The following UCK2 variants were observed in gnomAD, a reference collection of about 807,000 sequenced individuals.
The protein encoded by UCK2 is cytidine monophosphokinase 2.
Under a neutral mutation model 30.8 loss-of-function variants are expected in UCK2, and 6 were observed. The ratio of observed to expected loss-of-function variants is 0.19; its 90% confidence interval spans 0.11 to 0.38. UCK2 has a LOEUF of 0.38. UCK2 is among the 10% of genes least tolerant of loss of function. The probability of loss-of-function intolerance (pLI) is 1.00; values close to 1 mark genes in which losing one functional copy is unlikely to be tolerated. For synonymous variants in UCK2, 125 were observed against 133.6 expected, an observed-to-expected ratio of 0.94 and a Z score of 0.45; for missense variants, 210 against 339.8, an observed-to-expected ratio of 0.62 and a Z score of 3.00.
chr1:165,843,471 A>G lies in UCK2; in HGVS notation c.99+15539A>G, dbSNP rs566091981. ...ACAGGCTTTTAACTTACTAAAAAGGACAACTTTTGGCTGGGATTGATGACT... is the reference window on the plus strand; with the variant it reads ...ACAGGCTTTTAACTTACTAAAAAGGGCAACTTTTGGCTGGGATTGATGACT... On this transcript the variant is annotated intron_variant, in intron 1 of 6. Coordinates refer to ENST00000367879, the MANE Select transcript of UCK2 (RefSeq NM_012474.5). 2.4e-4 allele frequency among the ~76,000 whole-genome samples: 36 copies of G among 152,320 alleles called. No homozygotes were observed. The East Asian group carries it at 6.8e-3, about 29-fold the overall frequency.
intron 3 of UCK2, among the ~76,000 whole-genome samples, chr1:165,893,783 T>C (rs1423953526): frequency 6.6e-6 from 1 of 152,168 alleles, no homozygotes; most frequent in African/African-American, 2.4e-5. Flanking sequence ...GTTATGACAG[T>C]TTTTAGACCT....
rs1647661030 is a variant in UCK2 at position 165,906,400 on chromosome 1, T to G, written c.646+431T>G. Among the ~76,000 whole-genome samples, 3 of 152,202 alleles carry G rather than the reference T, an allele frequency of 2.0e-5. 1 individual carries two copies. The South Asian group carries it at 6.2e-4, about 31-fold the overall frequency. On this transcript the variant is annotated intron_variant, in intron 6 of 6. Transcript: ENST00000367879. ...ATTTTTCATTTTATTTTATTTTACTTTAGAGACGAGGTCTTGCTCTGTCAC... is the reference window on the plus strand; with the variant it reads ...ATTTTTCATTTTATTTTATTTTACTGTAGAGACGAGGTCTTGCTCTGTCAC...
intron 5 of UCK2, among the ~76,000 whole-genome samples, chr1:165,905,231 C>T (rs1335567598): frequency 6.6e-6 from 1 of 152,214 alleles, no homozygotes; most frequent in African/African-American, 2.4e-5. Flanking sequence ...GCCTGTAATC[C>T]TGGGACTTTG....
At chr1:165,842,297 C>T (rs1280666240) in intron 1 of UCK2, among the ~76,000 whole-genome samples, 1 of 152,142 alleles carries the variant, frequency 6.6e-6, no homozygotes, top group Non-Finnish European at 1.5e-5. Context: ...GTCAGTGCTT[C>T]GCAGATTGGG....
intron 1 of UCK2, among the ~76,000 whole-genome samples, chr1:165,861,627 CAAA>C (rs1223282712): frequency 2.5e-4 from 4 of 15,922 alleles, no homozygotes; most frequent in South Asian, 4.4e-3. Flanking sequence ...GACTCCGTCT[CAAA>C]AAAAAAAAAA....
intron 1 of UCK2, among the ~76,000 whole-genome samples, chr1:165,843,672 A>G (rs1226692750): frequency 6.6e-6 from 1 of 152,102 alleles, no homozygotes; most frequent in Non-Finnish European, 1.5e-5. Flanking sequence ...GAGCTACTCA[A>G]GAGGCTGAGG....
intron 1 of UCK2, among the ~76,000 whole-genome samples, chr1:165,856,328 C>T (rs115355373): frequency 2.3e-4 from 35 of 151,814 alleles, no homozygotes; most frequent in African/African-American, 7.5e-4. Context: ...TACTAAGTAC[C>T]GTCTGATACA....
chr1:165,861,344 C>T (rs1654890633), intron 1 of UCK2, among the ~76,000 whole-genome samples: 1 of 152,068 alleles, frequency 6.6e-6, no homozygotes, highest in South Asian at 2.1e-4. Context: ...AACAGTAAAA[C>T]TCGGCCGGGC....
chr1:165,833,429 C>T (rs1654103233), intron 1 of UCK2, among the ~76,000 whole-genome samples: 1 of 152,092 alleles, frequency 6.6e-6, no homozygotes, highest in African/African-American at 2.4e-5. Context: ...TGAGCCATGC[C>T]TAGCACGATG....
chr1:165,830,181 T>C (rs967435623), intron 1 of UCK2, among the ~76,000 whole-genome samples: 2 of 152,014 alleles, frequency 1.3e-5, no homozygotes, highest in Non-Finnish European at 2.9e-5. Flanking sequence ...AATTTTTTTT[T>C]TTTTGTAGAG....
rs565490296 is a variant in UCK2, at chr1:165,883,982, T to C, written c.100-6222T>C. Among the ~76,000 whole-genome samples, 13 of 152,304 alleles carry C rather than the reference T, an allele frequency of 8.5e-5. No homozygotes were observed. In the South Asian group the frequency reaches 2.7e-3, roughly 32 times the overall value. On this transcript the variant is annotated intron_variant, in intron 1 of 6. Transcript: ENST00000367879. Reference sequence around the variant, plus strand: ...TTTTCTAATGCCTGTAAATTAGAGCTTCTGAGCCATGTGGGGAGCAACCCC... The same window carrying C: ...TTTTCTAATGCCTGTAAATTAGAGCCTCTGAGCCATGTGGGGAGCAACCCC...
chr1:165,874,765 C>G (rs750023009), intron 1 of UCK2, among the ~76,000 whole-genome samples: 21 of 152,044 alleles, frequency 1.4e-4, no homozygotes, highest in African/African-American at 4.8e-4. Context: ...TTTGTTTTAC[C>G]GAGGACATGA....
At chr1:165,894,826 T>C (rs1655853429) in intron 3 of UCK2, among the ~76,000 whole-genome samples, 1 of 152,178 alleles carries the variant, frequency 6.6e-6, no homozygotes, top group Admixed American at 6.5e-5. Context: ...TGGCCGTTGA[T>C]ACTGACCTCC....
intron 1 of UCK2, among the ~76,000 whole-genome samples, chr1:165,883,256 A>G (rs1557844663): frequency 6.6e-6 from 1 of 152,206 alleles, no homozygotes; most frequent in Non-Finnish European, 1.5e-5. Context: ...GTCAACAGGA[A>G]GGAATGTCAA....
chr1:165,848,887 G>A (rs1385852624), intron 1 of UCK2, among the ~76,000 whole-genome samples: 2 of 152,192 alleles, frequency 1.3e-5, no homozygotes, highest in Non-Finnish European at 2.9e-5. Context: ...AAAGCACTCA[G>A]ATGGGACAAC....
Position 165,890,338 on chromosome 1 carries a change from G to T in UCK2, c.234G>T (p.Lys78Asn). 1 of 1,614,026 alleles carries T rather than the reference G, an allele frequency of 6.2e-7. No individual in the cohort carries two copies. Among genetic ancestry groups the T allele is most frequent in the Non-Finnish European group, 8.5e-7 (1 of 1,180,010 alleles). Residue 78 changes from lysine to asparagine, a missense_variant, in exon 2 of 7, where the codon AAG becomes AAT. Physicochemically the swap from Lys to Asn is moderately conservative, Grantham distance 94 (BLOSUM62 0). This residue lies in a region of UCK2 where 75 missense variants were observed against 124.7 expected (regional missense o/e 0.60). Transcript: ENST00000367879. ...LTSEQKAKALKGQFNFDHPDA... is the reference protein window; with the variant it reads ...LTSEQKAKALNGQFNFDHPDA... ...CGGAGCAGAAGGCCAAAGCCCTGAAGGGCCAGTTCAACTTTGACCACCCGG... is the reference window on the plus strand; with the variant it reads ...CGGAGCAGAAGGCCAAAGCCCTGAATGGCCAGTTCAACTTTGACCACCCGG...
Position 165,865,600 on chromosome 1 carries a change from T to C in UCK2, c.100-24604T>C, listed in dbSNP as rs564028044. Among the ~76,000 whole-genome samples the C allele has an allele frequency of 2.9e-4, 44 of 152,318 alleles. No individual in the cohort carries two copies. In the South Asian group the frequency reaches 8.9e-3, roughly 31 times the overall value. On this transcript the variant is annotated intron_variant, in intron 1 of 6. Coordinates refer to ENST00000367879, the MANE Select transcript of UCK2 (RefSeq NM_012474.5). Reference sequence around the variant, plus strand: ...GACTTCCTATATTATATTGCCTTTTTAAACATCTTTCCCACACAAAAAAGA... The same window carrying C: ...GACTTCCTATATTATATTGCCTTTTCAAACATCTTTCCCACACAAAAAAGA...
intron 4 of UCK2, among the ~76,000 whole-genome samples, chr1:165,902,402 A>G (rs988112841): frequency 6.6e-6 from 1 of 151,714 alleles, no homozygotes; most frequent in African/African-American, 2.4e-5. Flanking sequence ...ACAGAGCAAG[A>G]CACCTTGTAT....
At position 165,827,625 on chromosome 1, in the gene UCK2, C is replaced by T. The variant is rs1028479906; in HGVS notation, c.-209C>T. 2.6e-6 allele frequency: 1 copy of T among 384,786 alleles called. No homozygotes were observed. Among genetic ancestry groups the T allele is most frequent in the Non-Finnish European group, 4.6e-6 (1 of 219,514 alleles). 23.8% of individuals were successfully genotyped at this position (384,786 alleles called of 1,614,324 possible). On this transcript the variant is annotated 5_prime_UTR_variant, in exon 1 of 7. Transcript: ENST00000367879. ...CCTCTGCCTGGGATGTAAACCGGAC[C>T]AGCCGCTGCGGGCAAAGGAAGGCTC... is the stretch of plus-strand genomic sequence containing the variant.
Sources: allele counts gnomAD v4.1 joint callset (sites outside exome capture counted in the v4.1 genomes callset), GRCh38; gene constraint gnomAD v4.1.1; regional missense constraint gnomAD v4.1.1; transcripts MANE v1.5; gene names NCBI Gene and HGNC (gene_info 2026-07-23, HGNC 2026-07-21).